PIK3R5: variants seen among roughly 807,000 people sequenced by gnomAD.
The protein encoded by PIK3R5 is phosphoinositide 3-kinase regulatory subunit 5.
In PIK3R5, 32 loss-of-function variants were observed where a neutral mutation model predicts 94.9. That is an observed-to-expected ratio of 0.34 (90% CI 0.25 to 0.45). PIK3R5 has a LOEUF of 0.45. Ranked by LOEUF, PIK3R5 falls within the 20% of genes least tolerant of loss-of-function variation. The pLI is 1.00. For missense variants in PIK3R5, 853 were observed against 1,144.6 expected, an observed-to-expected ratio of 0.75 and a Z score of 3.68; for synonymous variants, 443 against 479.4, an observed-to-expected ratio of 0.92 and a Z score of 0.99.
rs1185895443 is a variant in PIK3R5, at chr17:8,892,108, T to C, written c.483-1196A>G. Among the ~76,000 whole-genome samples, 3 of 152,176 alleles carry C rather than the reference T, an allele frequency of 2.0e-5. No homozygotes were observed. The highest frequency in any genetic ancestry group is 4.4e-5 in the Non-Finnish European group (3 of 68,032). On this transcript the variant is annotated intron_variant, in intron 6 of 18. Coordinates refer to ENST00000447110, the MANE Select transcript of PIK3R5 (RefSeq NM_001142633.3). The surrounding 1 kb of genome is among the most constrained non-coding windows in gnomAD (Gnocchi z 4.3). ...AGTATGAGCTGCATGTGATGAGAGC[T>C]CTTGCTCTCTCAATTCCACACTGCG...
At position 8,925,038 on chromosome 17, in the gene PIK3R5, G is replaced by C. The variant is rs1415057231; in HGVS notation, c.-13-13531C>G. On this transcript the variant is annotated intron_variant, in intron 1 of 18. Coordinates refer to ENST00000447110, the MANE Select transcript of PIK3R5 (RefSeq NM_001142633.3). The surrounding 1 kb of genome is among the most constrained non-coding windows in gnomAD (Gnocchi z 5.1). ...TAGATGGATAGATAGATAGATAGTA[G>C]ATGAATAGATAGATAGATAGTAGAT... 6.6e-6 allele frequency among the ~76,000 whole-genome samples: 1 copy of C among 151,392 alleles called. No individual in the cohort carries two copies. The highest frequency in any genetic ancestry group is 1.5e-5 in the Non-Finnish European group (1 of 67,912).
Position 8,909,998 on chromosome 17 carries a change from A to G in PIK3R5, c.104-824T>C, listed in dbSNP as rs1050097345. On this transcript the variant is annotated intron_variant, in intron 2 of 18. Coordinates refer to ENST00000447110, the MANE Select transcript of PIK3R5 (RefSeq NM_001142633.3). This position sits in a 1 kb window ranked among gnomAD's most constrained non-coding sequence, Gnocchi z 4.3. The stretch of plus-strand genomic sequence containing the variant: ...AGGAAGGGGAAGCTAAACGAGTTCT[A>G]TTTTAAAAGCTGCCATGAGCACTTT... Among the ~76,000 whole-genome samples, 1 of 152,232 alleles carries G rather than the reference A, an allele frequency of 6.6e-6. No individual in the cohort carries two copies. The highest frequency in any genetic ancestry group is 2.4e-5 in the African/African-American group (1 of 41,464).
chr17:8,958,847 C>G (rs2091509608), intron 1 of PIK3R5, among the ~76,000 whole-genome samples: 1 of 151,878 alleles, frequency 6.6e-6, no homozygotes, highest in Non-Finnish European at 1.5e-5. Context: ...CAACCTCCGC[C>G]TCCGTGTTCA....
rs769624583 is a variant in PIK3R5 at position 8,884,828 on chromosome 17, G to A, written c.2129-45C>T. ...ACCCTTCACTACCCCTGGCTTCCCC[G>A]GCTCCTCACGAACGCAGTGGCCTTG... On this transcript the variant is annotated intron_variant, in intron 14 of 18. Transcript: ENST00000447110. The surrounding 1 kb of genome is among the most constrained non-coding windows in gnomAD (Gnocchi z 5.8). 12 of 1,568,854 alleles carry A rather than the reference G, an allele frequency of 7.6e-6. No individual in the cohort carries two copies. The highest frequency in any genetic ancestry group is 2.7e-5 in the African/African-American group (2 of 74,070).
rs1268458961 is a variant in PIK3R5 at position 8,892,753 on chromosome 17, A to G, written c.482+833T>C. 6.6e-6 allele frequency among the ~76,000 whole-genome samples: 1 copy of G among 152,128 alleles called. No homozygotes were observed. ...TCAAGAAGTGTTGCTCAGGGGAGTG[A>G]GTGGGAAGTGAACCCCTGGGGCTGG... is the stretch of plus-strand genomic sequence containing the variant. On this transcript the variant is annotated intron_variant, in intron 6 of 18. Coordinates refer to ENST00000447110, the MANE Select transcript of PIK3R5 (RefSeq NM_001142633.3). This position sits in a 1 kb window ranked among gnomAD's most constrained non-coding sequence, Gnocchi z 4.3.
chr17:8,934,385 T>C (rs1378733615), intron 1 of PIK3R5, among the ~76,000 whole-genome samples: 1 of 152,128 alleles, frequency 6.6e-6, no homozygotes, highest in Admixed American at 6.5e-5. Flanking sequence ...ACCCCCACCA[T>C]TAAAACTACA....
chr17:8,891,931 A>G (rs1015094061), intron 6 of PIK3R5, among the ~76,000 whole-genome samples: 5 of 151,992 alleles, frequency 3.3e-5, no homozygotes, highest in Admixed American at 3.3e-4. Context: ...ACATACCCCA[A>G]ATTAAAAGAA....
chr17:8,899,956 T>G (rs2090244507), intron 5 of PIK3R5, among the ~76,000 whole-genome samples: 2 of 152,104 alleles, frequency 1.3e-5, no homozygotes, highest in South Asian at 4.1e-4. Flanking sequence ...AAGAATCGCT[T>G]GAACCCAGGA....
At chr17:8,951,318 A>G (rs1218250469) in intron 1 of PIK3R5, among the ~76,000 whole-genome samples, 1 of 152,188 alleles carries the variant, frequency 6.6e-6, no homozygotes, top group African/African-American at 2.4e-5. Context: ...TACATTCACA[A>G]TGTTGTGCAA....
Position 8,882,715 on chromosome 17 carries a change from C to T in PIK3R5, c.2206-834G>A, listed in dbSNP as rs1010705785. Among the ~76,000 whole-genome samples, 1 of 152,156 alleles carries T rather than the reference C, an allele frequency of 6.6e-6. No individual in the cohort carries two copies. The highest frequency in any genetic ancestry group is 2.4e-5 in the African/African-American group (1 of 41,438). The stretch of plus-strand genomic sequence containing the variant: ...CTGGACCCCGGCCTCTTCCTGTGGT[C>T]CCCCCAGAGAAGATGGTGCTGCCAG... On this transcript the variant is annotated intron_variant, in intron 15 of 18. Transcript: ENST00000447110. This position sits in a 1 kb window ranked among gnomAD's most constrained non-coding sequence, Gnocchi z 4.1.
At chr17:8,887,845 A>G (rs1424652977) in intron 10 of PIK3R5, among the ~76,000 whole-genome samples, 162 bp from the exon 11 acceptor site, 2 of 150,894 alleles carry the variant, frequency 1.3e-5, no homozygotes, top group Admixed American at 1.3e-4. Context: ...CAAAAAAAAA[A>G]AAAAAATTAG....
At chr17:8,928,283 C>T (rs1482021352) in intron 1 of PIK3R5, among the ~76,000 whole-genome samples, 1 of 151,836 alleles carries the variant, frequency 6.6e-6, no homozygotes, top group African/African-American at 2.4e-5. Flanking sequence ...GAGTGTGGAA[C>T]CTGAAGAGGA....
chr17:8,885,465 C>A (rs1442050448), intron 14 of PIK3R5, among the ~76,000 whole-genome samples: 1 of 131,054 alleles, frequency 7.6e-6, no homozygotes, highest in Admixed American at 7.3e-5. Context: ...CCTCCCATGG[C>A]CCCACCTCCT....
At position 8,884,845 on chromosome 17, in the gene PIK3R5, G is replaced by A; in HGVS notation, c.2129-62C>T. On this transcript the variant is annotated intron_variant, in intron 14 of 18. Transcript: ENST00000447110. The surrounding 1 kb of genome is among the most constrained non-coding windows in gnomAD (Gnocchi z 5.8). ...GCTTCCCCGGCTCCTCACGAACGCAGTGGCCTTGCCTCCCTGGGCCTTACC... is the reference window on the plus strand; with the variant it reads ...GCTTCCCCGGCTCCTCACGAACGCAATGGCCTTGCCTCCCTGGGCCTTACC... 1 of 1,461,736 alleles carries A rather than the reference G, an allele frequency of 6.8e-7. No homozygotes were observed. Among genetic ancestry groups the A allele is most frequent in the Non-Finnish European group, 9.5e-7 (1 of 1,049,780 alleles). The allele number at this position is 1,461,736 out of a possible 1,614,324, so 90.5% of individuals were successfully genotyped here.
In PIK3R5 at chr17:8,896,683, A is replaced by T. The variant is rs1392488566; in HGVS notation, c.413-3028T>A. Among the ~76,000 whole-genome samples, 1 of 152,218 alleles carries T rather than the reference A, an allele frequency of 6.6e-6. No individual in the cohort carries two copies. The highest frequency in any genetic ancestry group is 1.9e-4 in the East Asian group (1 of 5,200). On this transcript the variant is annotated intron_variant, in intron 5 of 18. Coordinates refer to ENST00000447110, the MANE Select transcript of PIK3R5 (RefSeq NM_001142633.3). This position sits in a 1 kb window ranked among gnomAD's most constrained non-coding sequence, Gnocchi z 4.0. ...AGATGGGGATCCTGCACAGAACAGCAGACTGTGAAGATCCAGGACACAGGA... is the reference window on the plus strand; with the variant it reads ...AGATGGGGATCCTGCACAGAACAGCTGACTGTGAAGATCCAGGACACAGGA...
At chr17:8,899,892 G>T (rs571126898) in intron 5 of PIK3R5, among the ~76,000 whole-genome samples, 51 of 152,062 alleles carry the variant, frequency 3.4e-4, no homozygotes, top group Non-Finnish European at 6.0e-4. Flanking sequence ...ACAAAAATTA[G>T]CCAGGCATGG....
intron 5 of PIK3R5, among the ~76,000 whole-genome samples, chr17:8,895,856 G>A (rs2090141087): frequency 6.6e-6 from 1 of 152,084 alleles, no homozygotes. Context: ...TGTTTGGCTG[G>A]TGCTGAATAC....
intron 1 of PIK3R5, among the ~76,000 whole-genome samples, chr17:8,930,717 C>A (rs73253067): frequency 0.037 from 5,693 of 152,258 alleles, 349 homozygotes; most frequent in African/African-American, 0.13. Context: ...TTGATACACA[C>A]AACAACCTGG....
intron 1 of PIK3R5, among the ~76,000 whole-genome samples, chr17:8,919,724 G>A (rs1351238640): frequency 6.6e-6 from 1 of 152,156 alleles, no homozygotes; most frequent in Non-Finnish European, 1.5e-5. Flanking sequence ...ATCTGCAAGA[G>A]CTCAAGGTTA....
Sources: gnomAD v4.1 joint callset for allele counts (sites outside exome capture counted in the v4.1 genomes callset) on GRCh38, gnomAD v4.1.1 for gene constraint, Gnocchi (gnomAD v3.1) non-coding constraint, MANE v1.5 for transcripts, NCBI Gene and HGNC (gene_info 2026-07-23, HGNC 2026-07-21) for gene names.